Variants in FMN1 observed in about 807,000 individuals in gnomAD.
FMN1 encodes the protein formin-1.
Under a neutral mutation model 132.4 loss-of-function variants are expected in FMN1, and 110 were observed. The ratio of observed to expected loss-of-function variants is 0.83; its 90% confidence interval spans 0.71 to 0.97. The LOEUF (loss-of-function observed/expected upper bound fraction) is 0.97, where lower values mean the gene tolerates loss of function less well. Ranked by LOEUF, FMN1 falls within the 50% of genes least tolerant of loss-of-function variation. The pLI, the probability that FMN1 is intolerant of heterozygous loss-of-function variation, is 0.00. For missense variants in FMN1, 1,792 were observed against 1,705.3 expected (o/e 1.05, Z -0.90); for synonymous variants, 722 against 651.7 (o/e 1.11, Z -1.64).
chr15:33,103,619 T>G (rs1023461066), intron 4 of FMN1, among the ~76,000 whole-genome samples: 3 of 152,074 alleles, frequency 2.0e-5, no homozygotes, highest in East Asian at 3.9e-4. Flanking sequence ...GAAATGTTGT[T>G]TCTCATCCTC....
intron 4 of FMN1, among the ~76,000 whole-genome samples, chr15:33,108,365 A>C (rs1267843811): frequency 2.6e-5 from 4 of 152,122 alleles, no homozygotes; most frequent in Non-Finnish European, 4.4e-5. Context: ...TCTTCTATCT[A>C]CATGTCTCTT....
At chr15:32,780,323 G>GTC (rs1435095693) in intron 19 of FMN1, among the ~76,000 whole-genome samples, 2 of 152,164 alleles carry the variant, frequency 1.3e-5, no homozygotes, top group Non-Finnish European at 2.9e-5. Flanking sequence ...CAGTAAAGAA[G>GTC]CTGACCCAAA....
rs370771128 is a variant in FMN1 at position 32,968,691 on chromosome 15, G to A, written c.2987+23C>T. The A allele has an allele frequency of 3.1e-5, 50 of 1,611,610 alleles. No homozygotes were observed. The African/African-American group carries it at 5.9e-4, about 19-fold the overall frequency. On this transcript the variant is annotated intron_variant, in intron 8 of 20. Coordinates refer to ENST00000616417, the MANE Select transcript of FMN1 (RefSeq NM_001277313.2). ...CAAATCCTAGGAATTCACATGCTGA[G>A]AATGGGATAGGGGAGAACTTACCTC...
At chr15:32,901,124 A>G (rs1339704107) in intron 13 of FMN1, among the ~76,000 whole-genome samples, 2 of 152,166 alleles carry the variant, frequency 1.3e-5, no homozygotes, top group African/African-American at 4.8e-5. Flanking sequence ...ACTGCACTCC[A>G]GCCTGGGCAA....
chr15:33,097,316 A>AAAG (rs111519647), intron 4 of FMN1, among the ~76,000 whole-genome samples: 7,715 of 147,132 alleles, frequency 0.052, 701 homozygotes, highest in African/African-American at 0.19. Flanking sequence ...AAAAAAAAAA[A>AAAG]AGAGAGAGAG....
At chr15:33,058,525 C>T (rs924977483) in intron 6 of FMN1, among the ~76,000 whole-genome samples, 2 of 152,196 alleles carry the variant, frequency 1.3e-5, no homozygotes, top group African/African-American at 4.8e-5. Flanking sequence ...CCTTAACTTT[C>T]CAAGAATCCA....
intron 9 of FMN1, among the ~76,000 whole-genome samples, chr15:32,941,526 T>A (rs544686363): frequency 6.6e-6 from 1 of 152,356 alleles, no homozygotes; most frequent in South Asian, 2.1e-4. Flanking sequence ...GAGCACTACT[T>A]CAGCTAATTG....
At chr15:32,878,957 C>G (rs540580640) in intron 16 of FMN1, among the ~76,000 whole-genome samples, 30 of 152,190 alleles carry the variant, frequency 2.0e-4, no homozygotes, top group Non-Finnish European at 3.1e-4. Flanking sequence ...CTAGAAATGT[C>G]ACAATCACAG....
intron 16 of FMN1, among the ~76,000 whole-genome samples, chr15:32,875,950 C>G (rs1027677087): frequency 2.8e-4 from 43 of 152,266 alleles, no homozygotes; most frequent in African/African-American, 9.6e-4. Flanking sequence ...TGCTTCCTAT[C>G]TCGAAGACTC....
intron 7 of FMN1, among the ~76,000 whole-genome samples, chr15:32,979,533 G>T (rs1251048246): frequency 7.8e-6 from 1 of 128,746 alleles, no homozygotes; most frequent in Non-Finnish European, 1.5e-5. Context: ...TGCAGCCTGC[G>T]CAACAGAGCA....
chr15:33,152,930 T>G (rs1338762564), intron 4 of FMN1, 118 bp downstream of exon 4: 3 of 1,014,684 alleles, frequency 3.0e-6, no homozygotes, highest in Non-Finnish European at 4.2e-6. Flanking sequence ...CAAAGTGAAG[T>G]AATAGGCCTA....
At position 32,766,047 on chromosome 15, in the gene FMN1, G is replaced by A. The variant is rs558981102; in HGVS notation, c.*8263C>T. ...TTAAAAATATCCCAAGAGCGTGTAA[G>A]GTTTCATGTCTTTAAAGGGCCTTCT... On this transcript the variant is annotated 3_prime_UTR_variant, in exon 21 of 21. Transcript: ENST00000616417. The A allele has an allele frequency of 5.9e-5, 9 of 152,262 alleles. No individual in the cohort carries two copies. Among genetic ancestry groups the A allele is most frequent in the Middle Eastern group, 6.8e-3 (2 of 294 alleles). 9.4% of individuals were successfully genotyped at this position (152,262 alleles called of 1,614,324 possible).
intron 4 of FMN1, among the ~76,000 whole-genome samples, chr15:33,143,259 G>A (rs915719713): frequency 3.9e-5 from 6 of 152,056 alleles, no homozygotes; most frequent in African/African-American, 1.4e-4. Flanking sequence ...AGCAAAATAG[G>A]GTAACAGCAT....
intron 5 of FMN1, among the ~76,000 whole-genome samples, chr15:33,073,211 G>A (rs768039031): frequency 3.3e-5 from 5 of 152,136 alleles, no homozygotes; most frequent in Non-Finnish European, 5.9e-5. Flanking sequence ...GAAAGGCAAC[G>A]TGAAAGTAAA....
intron 4 of FMN1, among the ~76,000 whole-genome samples, chr15:33,119,919 T>C (rs140367382): frequency 1.2e-4 from 19 of 152,352 alleles, no homozygotes; most frequent in Admixed American, 7.2e-4. Context: ...GTGTTTATAT[T>C]GTGTCTTCTA....
At chr15:33,113,608 A>G (rs2039798034) in intron 4 of FMN1, among the ~76,000 whole-genome samples, 1 of 152,144 alleles carries the variant, frequency 6.6e-6, no homozygotes, top group African/African-American at 2.4e-5. Context: ...CAGTGTCAGT[A>G]TACGGAGGCA....
At chr15:32,785,504 C>A (rs1033029326) in intron 19 of FMN1, among the ~76,000 whole-genome samples, 4 of 151,556 alleles carry the variant, frequency 2.6e-5, no homozygotes, top group African/African-American at 9.7e-5. Flanking sequence ...GGTAACTGGC[C>A]CCTGAAAATT....
intron 3 of FMN1, among the ~76,000 whole-genome samples, chr15:33,173,833 G>A (rs1965418430): frequency 6.6e-6 from 1 of 152,178 alleles, no homozygotes; most frequent in African/African-American, 2.4e-5. Flanking sequence ...GGAGGCTGAG[G>A]CAGGAGAATC....
intron 3 of FMN1, among the ~76,000 whole-genome samples, chr15:33,170,887 A>C (rs1423357794): frequency 1.3e-5 from 2 of 152,190 alleles, no homozygotes; most frequent in African/African-American, 4.8e-5. Context: ...GTATTTATCC[A>C]AAGGAAAGGA....
Sources: allele counts gnomAD v4.1 joint callset (sites outside exome capture counted in the v4.1 genomes callset), GRCh38; gene constraint gnomAD v4.1.1; transcripts MANE v1.5; gene names NCBI Gene and HGNC (gene_info 2026-07-23, HGNC 2026-07-21).